CCDC137: variants seen among roughly 807,000 people sequenced by gnomAD.
CCDC137 encodes the protein coiled-coil domain-containing protein 137.
A neutral mutation model predicts 30.4 loss-of-function variants in CCDC137; 24 were observed. The ratio of observed to expected loss-of-function variants is 0.79; its 90% CI spans 0.57 to 1.11. The LOEUF is 1.11. CCDC137 is among the 50% of genes least tolerant of loss of function. CCDC137 has a pLI of 0.00. For missense variants in CCDC137, 417 were observed against 380.4 expected (o/e 1.10, Z -0.80); for synonymous variants, 182 against 155.7 (o/e 1.17, Z -1.26).
chr17:81,672,520 G>A lies in CCDC137; in HGVS notation c.686G>A (p.Arg229Gln), dbSNP rs11546630. The change falls in exon 6 of 6, where the codon CGG (arginine) becomes CAG (glutamine). Residue 229 changes from arginine (R) to glutamine (Q), a missense_variant. Coordinates refer to ENST00000329214, the MANE Select transcript of CCDC137 (RefSeq NM_199287.3). ...CCTGGCAGGAGATCGCAGATGCTGC[G>A]GATGCTTCTGAGCCCCGGTGGTGTG... ...DQPGRRSQML[R>Q]MLLSPGGVSQ... 0.06 allele frequency: 94,421 copies of A among 1,563,184 alleles called. 4,359 individuals carry two copies. Among genetic ancestry groups the A allele is most frequent in the East Asian group, 0.25 (10,667 of 41,936 alleles).
At chr17:81,667,178 G>A (rs895330819) in intron 1 of CCDC137, among the ~76,000 whole-genome samples, 3 of 152,172 alleles carry the variant, frequency 2.0e-5, no homozygotes, top group African/African-American at 4.8e-5. Flanking sequence ...GGCTTTCGGA[G>A]TGCCTTTCGG....
intron 4 of CCDC137, 91 bp from the exon 5 acceptor site, chr17:81,671,985 C>A: frequency 6.6e-7 from 1 of 1,507,140 alleles, no homozygotes; most frequent in South Asian, 1.1e-5. Flanking sequence ...TGTCCCAGCC[C>A]TATGGGAGGG....
chr17:81,672,033 G>A (rs200887312), intron 4 of CCDC137, 43 bp from the exon 5 acceptor site: 1 of 1,607,404 alleles, frequency 6.2e-7, no homozygotes, highest in African/African-American at 1.3e-5. Context: ...CAGGGGTGCA[G>A]TGGCTGTGGG....
chr17:81,667,162 C>T (rs1004979889), intron 1 of CCDC137, among the ~76,000 whole-genome samples: 1 of 152,154 alleles, frequency 6.6e-6, no homozygotes, highest in Non-Finnish European at 1.5e-5. Context: ...GCGGAAAGGC[C>T]TCCTGGGCTT....
intron 1 of CCDC137, 92 bp downstream of exon 1, chr17:81,666,992 C>G (rs1441513747): frequency 1.2e-5 from 14 of 1,209,566 alleles, no homozygotes; most frequent in Non-Finnish European, 1.4e-5. Flanking sequence ...AGCGTTCGCT[C>G]GGACCCCTTC....
In CCDC137 at chr17:81,672,479, C is replaced by T; in HGVS notation, c.661-16C>T. The T allele has an allele frequency of 6.5e-7, 1 of 1,549,164 alleles. No individual in the cohort carries two copies. ...CCTTTCCCAGCCTGTGCCTCACCCT[C>T]CCCTCTCTCCCTCAGCCTGGCAGGA... On this transcript the variant is annotated splice_polypyrimidine_tract_variant and intron_variant, in intron 5 of 5. Transcript: ENST00000329214.
At chr17:81,667,587 A>G in intron 1 of CCDC137, 142 bp from the exon 2 acceptor site, 1 of 850,138 alleles carries the variant, frequency 1.2e-6, no homozygotes, top group Non-Finnish European at 1.8e-6. Flanking sequence ...TCGGCCTCCC[A>G]AAGTGCAGGG....
At chr17:81,670,521 C>A in intron 3 of CCDC137, 68 bp downstream of exon 3, 2 of 1,368,068 alleles carry the variant, frequency 1.5e-6, no homozygotes, top group Non-Finnish European at 2.0e-6. Flanking sequence ...GTTCCCATGA[C>A]GGCCCTCTGC....
rs560097723 is a variant in CCDC137, at chr17:81,672,800, G to A, written c.*96G>A. On this transcript the variant is annotated 3_prime_UTR_variant, in exon 6 of 6. Transcript: ENST00000329214. ...GAGAGGCAGGCCATGCCAGCAGTGT[G>A]GGGTGAGGCCTCCAGCTACTTGTTC... is the stretch of plus-strand genomic sequence containing the variant. 21 of 1,179,348 alleles carry A rather than the reference G, an allele frequency of 1.8e-5. 1 individual carries two copies. The South Asian group carries it at 3.0e-4, about 17-fold the overall frequency. 73.1% of individuals were successfully genotyped at this position (1,179,348 alleles called of 1,614,324 possible).
At chr17:81,666,922 G>A in intron 1 of CCDC137, 22 bp downstream of exon 1, 1 of 1,251,564 alleles carries the variant, frequency 8.0e-7, no homozygotes, top group Non-Finnish European at 1.0e-6. Context: ...GCCCCGCGAG[G>A]CCGCCACACT....
rs2036745995 is a variant in CCDC137 at position 81,673,363 on chromosome 17, A to G, written c.*659A>G. On this transcript the variant is annotated 3_prime_UTR_variant, in exon 6 of 6. Transcript: ENST00000329214. ...AGGAGTTCGAACCAGCCTGGCCAACATGGTGAAACTGCATCTCTACTAAAA... is the reference window on the plus strand; with the variant it reads ...AGGAGTTCGAACCAGCCTGGCCAACGTGGTGAAACTGCATCTCTACTAAAA... The G allele has an allele frequency of 6.6e-6, 1 of 152,298 alleles. No individual in the cohort carries two copies. The highest frequency in any genetic ancestry group is 1.5e-5 in the Non-Finnish European group (1 of 68,118). 9.4% of individuals were successfully genotyped at this position (152,298 alleles called of 1,614,324 possible).
Position 81,670,409 on chromosome 17 carries a change from G to C in CCDC137, c.453G>C (p.Gln151His). 1 of 1,613,906 alleles carries C rather than the reference G, an allele frequency of 6.2e-7. No homozygotes were observed. The highest frequency in any genetic ancestry group is 8.5e-7 in the Non-Finnish European group (1 of 1,180,030). ...AGGCCATCCGGCAGCCAGAGGTGCAGGCAGCTCCCAAGGAGAAGTCTGAGC... is the reference window on the plus strand; with the variant it reads ...AGGCCATCCGGCAGCCAGAGGTGCACGCAGCTCCCAAGGAGAAGTCTGAGC... ...KNQAIRQPEV[Q>H]AAPKEKSEQK... The change falls in exon 3 of 6, where the codon CAG becomes CAC. Residue 151 changes from glutamine (Q) to histidine (H), a missense_variant. Gln to His is a conservative substitution (Grantham distance 24). Transcript: ENST00000329214.
chr17:81,672,534 C>T lies in CCDC137; in HGVS notation c.700C>T (p.Pro234Ser), dbSNP rs779868293. Residue 234 changes from proline to serine, a missense_variant, in exon 6 of 6, where the codon CCC (proline) becomes TCC (serine). Coordinates refer to ENST00000329214, the MANE Select transcript of CCDC137 (RefSeq NM_199287.3). ...GCAGATGCTGCGGATGCTTCTGAGC[C>T]CCGGTGGTGTGTCCCAGCCTCTGAC... ...RSQMLRMLLS[P>S]GGVSQPLTAS... 1.9e-6 allele frequency: 3 copies of T among 1,567,884 alleles called. No homozygotes were observed. The highest frequency in any genetic ancestry group is 3.8e-5 in the Admixed American group (2 of 53,056).
chr17:81,671,623 C>A, intron 3 of CCDC137, 121 bp from the exon 4 acceptor site: 1 of 917,084 alleles, frequency 1.1e-6, no homozygotes, highest in Non-Finnish European at 1.7e-6. Context: ...TTGGAGGCAG[C>A]CACCTGTTCT....
Position 81,666,781 on chromosome 17 carries a change from T to C in CCDC137, c.15T>C (p.Gly5=). The change falls in exon 1 of 6, where the codon GGT becomes GGC. Residue 5 remains glycine (G), a synonymous_variant. Coordinates refer to ENST00000329214, the MANE Select transcript of CCDC137 (RefSeq NM_199287.3). ...CCGGCGTGGAGATGGCGGGAGCTGG[T>C]CGCGGAGCAGCGGTGTCCAGGGTGC... MAGA[G]RGAAVSRVQA... The C allele has an allele frequency of 1.4e-6, 2 of 1,468,868 alleles. No individual in the cohort carries two copies. Among genetic ancestry groups the C allele is most frequent in the Non-Finnish European group, 1.8e-6 (2 of 1,115,220 alleles). The allele number at this position is 1,468,868 out of a possible 1,614,324, so 91.0% of individuals were successfully genotyped here.
chr17:81,666,971 A>AC, intron 1 of CCDC137, 71 bp downstream of exon 1: 4 of 1,235,286 alleles, frequency 3.2e-6, no homozygotes, highest in Non-Finnish European at 4.0e-6. Context: ...TCCGCCCGGG[A>AC]CCCCCTAGGG....
At position 81,667,789 on chromosome 17, in the gene CCDC137, C is replaced by G; in HGVS notation, c.195C>G (p.Phe65Leu). 6.2e-7 allele frequency: 1 copy of G among 1,613,196 alleles called. No homozygotes were observed. Among genetic ancestry groups the G allele is most frequent in the Non-Finnish European group, 8.5e-7 (1 of 1,180,000 alleles). Reference protein sequence around the residue: ...PKNQDEQEIPFRLREIMRSRQ... With the variant: ...PKNQDEQEIPLRLREIMRSRQ... ...ACCAGGACGAACAGGAGATTCCTTT[C>G]CGGCTCCGGGAGATTATGAGGAGCC... The change falls in exon 2 of 6, where the codon TTC becomes TTG. Residue 65 changes from phenylalanine to leucine, a missense_variant. Phe to Leu is a conservative substitution (Grantham distance 22, BLOSUM62 0). Transcript: ENST00000329214.
chr17:81,671,941 C>A, intron 4 of CCDC137, 115 bp downstream of exon 4: 2 of 1,461,448 alleles, frequency 1.4e-6, no homozygotes, highest in Non-Finnish European at 1.9e-6. Context: ...CCCTGGGGTC[C>A]ACAGCCATTA....
intron 2 of CCDC137, among the ~76,000 whole-genome samples, chr17:81,669,672 G>T (rs1015891006): frequency 6.6e-6 from 1 of 152,038 alleles, no homozygotes; most frequent in Non-Finnish European, 1.5e-5. Flanking sequence ...CCATTCTCCT[G>T]CCTCAGCCTC....
Sources: gnomAD v4.1 joint callset for allele counts (sites outside exome capture counted in the v4.1 genomes callset) on GRCh38, gnomAD v4.1.1 for gene constraint, MANE v1.5 for transcripts, NCBI Gene and HGNC (gene_info 2026-07-23, HGNC 2026-07-21) for gene names.